The following SLIT2 variants were observed in gnomAD, a reference collection of about 807,000 sequenced individuals.
The protein encoded by SLIT2 is slit homolog 2 protein.
Under a neutral mutation model 185.7 loss-of-function variants are expected in SLIT2, and 41 were observed. The ratio of observed to expected loss-of-function variants is 0.22; its 90% CI spans 0.17 to 0.29. The LOEUF (loss-of-function observed/expected upper bound fraction) is 0.29. SLIT2 is among the 10% of genes least tolerant of loss of function. The pLI is 1.00. For missense variants in SLIT2, 1,571 were observed against 1,909.0 expected, an observed-to-expected ratio of 0.82 and a Z score of 3.30; for synonymous variants, 693 against 680.2, an observed-to-expected ratio of 1.02 and a Z score of -0.29.
At chr4:20,439,360 G>T (rs919236845) in intron 4 of SLIT2, among the ~76,000 whole-genome samples, 2 of 152,158 alleles carry the variant, frequency 1.3e-5, no homozygotes, top group Non-Finnish European at 2.9e-5. Context: ...TGTCCACAGG[G>T]TTGTCTCCTT....
chr4:20,443,814 C>T (rs1456643236), intron 4 of SLIT2, among the ~76,000 whole-genome samples: 2 of 151,910 alleles, frequency 1.3e-5, no homozygotes, highest in Non-Finnish European at 2.9e-5. Flanking sequence ...AATAATTTCC[C>T]TGGAGAAGAA....
chr4:20,343,131 T>C (rs1301567977), intron 4 of SLIT2, among the ~76,000 whole-genome samples: 6 of 152,100 alleles, frequency 3.9e-5, no homozygotes, highest in Admixed American at 1.3e-4. Context: ...CTAACACTTA[T>C]ACTCTTCTAT....
At chr4:20,350,289 CTT>C (rs545057446) in intron 4 of SLIT2, among the ~76,000 whole-genome samples, 1 of 142,482 alleles carries the variant, frequency 7.0e-6, no homozygotes. Context: ...TTTCTCCTTG[CTT>C]TTTTTTTTTA....
chr4:20,373,227 C>T (rs2109322439), intron 4 of SLIT2, among the ~76,000 whole-genome samples: 1 of 152,196 alleles, frequency 6.6e-6, no homozygotes, highest in Non-Finnish European at 1.5e-5. Flanking sequence ...TATTATCATA[C>T]TCAAGAAAAC....
At chr4:20,389,259 A>C (rs1725220581) in intron 4 of SLIT2, among the ~76,000 whole-genome samples, 1 of 151,808 alleles carries the variant, frequency 6.6e-6, no homozygotes, top group Non-Finnish European at 1.5e-5. Context: ...TATTATTGTA[A>C]TTATTATTAT....
intron 4 of SLIT2, among the ~76,000 whole-genome samples, chr4:20,422,137 A>T (rs1033992925): frequency 3.3e-5 from 5 of 152,198 alleles, no homozygotes; most frequent in Admixed American, 3.3e-4. Context: ...ACTCAAATTT[A>T]TATATTGATA....
intron 11 of SLIT2, among the ~76,000 whole-genome samples, chr4:20,511,587 A>ATTTTTTTTTATTTTTTT (rs1719726760): frequency 1.2e-5 from 1 of 82,210 alleles, no homozygotes; most frequent in Non-Finnish European, 2.2e-5. Context: ...CATCCAGCTA[A>ATTTTTTTTTATTTTTTT]TTTTTTTTTT....
intron 4 of SLIT2, among the ~76,000 whole-genome samples, chr4:20,421,642 C>T (rs1254977629): frequency 6.6e-6 from 1 of 152,006 alleles, no homozygotes; most frequent in Admixed American, 6.6e-5. Context: ...TTCTCCCCAG[C>T]CCCCAAAAGA....
intron 5 of SLIT2, among the ~76,000 whole-genome samples, chr4:20,475,462 G>T (rs1715993372): frequency 6.6e-6 from 1 of 151,916 alleles, no homozygotes; most frequent in African/African-American, 2.4e-5. Context: ...AGAACAAAAA[G>T]TTCCTGAGTC....
intron 4 of SLIT2, among the ~76,000 whole-genome samples, chr4:20,441,341 T>G (rs1729721996): frequency 6.6e-6 from 1 of 152,088 alleles, no homozygotes; most frequent in South Asian, 2.1e-4. Context: ...TGGCAAAAAA[T>G]TTTCAATCTC....
At chr4:20,310,785 G>A (rs560117553) in intron 4 of SLIT2, among the ~76,000 whole-genome samples, 5 of 152,184 alleles carry the variant, frequency 3.3e-5, no homozygotes, top group Non-Finnish European at 7.3e-5. Flanking sequence ...TTTAAATGAA[G>A]GGAATGTGGC....
At chr4:20,572,243 A>G (rs34443398) in intron 29 of SLIT2, among the ~76,000 whole-genome samples, 21,294 of 152,202 alleles carry the variant, frequency 0.14, 2,000 homozygotes, top group Non-Finnish European at 0.21. Context: ...TACTCCAGTT[A>G]TCATCTGTGC....
At chr4:20,531,308 C>T (rs1721786818) in intron 16 of SLIT2, among the ~76,000 whole-genome samples, 1 of 152,274 alleles carries the variant, frequency 6.6e-6, no homozygotes, top group East Asian at 1.9e-4. Context: ...AATAATGAAG[C>T]ACTGCCATAT....
At chr4:20,382,959 T>C (rs1724649185) in intron 4 of SLIT2, among the ~76,000 whole-genome samples, 1 of 152,042 alleles carries the variant, frequency 6.6e-6, no homozygotes, top group South Asian at 2.1e-4. Flanking sequence ...CATAGATTAG[T>C]GGAATAGAAA....
intron 4 of SLIT2, among the ~76,000 whole-genome samples, chr4:20,339,279 G>A (rs899172452): frequency 2.0e-5 from 3 of 151,868 alleles, no homozygotes; most frequent in African/African-American, 7.2e-5. Context: ...AGGGAGTGGA[G>A]GATTACAATT....
chr4:20,580,590 A>G (rs1222859033), intron 29 of SLIT2, among the ~76,000 whole-genome samples: 2 of 152,122 alleles, frequency 1.3e-5, no homozygotes, highest in South Asian at 2.1e-4. Context: ...TAAGACCTTG[A>G]AGAGGAGAAT....
intron 4 of SLIT2, among the ~76,000 whole-genome samples, chr4:20,287,330 C>T (rs1715355423): frequency 6.6e-6 from 1 of 152,216 alleles, no homozygotes; most frequent in Non-Finnish European, 1.5e-5. Flanking sequence ...ATCAATGCCA[C>T]AGGCAAGCAA....
intron 4 of SLIT2, among the ~76,000 whole-genome samples, chr4:20,402,734 G>A (rs146630097): frequency 0.017 from 2,513 of 151,638 alleles, 34 homozygotes; most frequent in Non-Finnish European, 0.023. Flanking sequence ...GAAAAATAAC[G>A]GGGTAATAAG....
chr4:20,280,904 C>T, intron 4 of SLIT2, among the ~76,000 whole-genome samples: 1 of 148,762 alleles, frequency 6.7e-6, no homozygotes, highest in East Asian at 2.0e-4. Flanking sequence ...GTGATCTCAG[C>T]TCACTGCAAC....
Sources: gnomAD v4.1 joint callset for allele counts (sites outside exome capture counted in the v4.1 genomes callset) on GRCh38, gnomAD v4.1.1 for gene constraint, MANE v1.5 for transcripts, NCBI Gene and HGNC (gene_info 2026-07-23, HGNC 2026-07-21) for gene names.